The following STPG2 variants were observed in gnomAD, a reference collection of about 807,000 sequenced individuals.
The protein encoded by STPG2 is sperm-tail PG-rich repeat-containing protein 2.
In STPG2, 56 loss-of-function variants were observed where a neutral mutation model predicts 54.2. The observed-to-expected ratio is 1.03, with a 90% CI of 0.83 to 1.29. The LOEUF (loss-of-function observed/expected upper bound fraction) is 1.29. STPG2 is among the 50% of genes most tolerant of loss of function. The probability of loss-of-function intolerance (pLI) is 0.00; values close to 1 mark genes in which losing one functional copy is unlikely to be tolerated. For missense variants in STPG2, 596 were observed against 544.9 expected, an observed-to-expected ratio of 1.09 and a Z score of -0.93; for synonymous variants, 200 against 181.8, an observed-to-expected ratio of 1.10 and a Z score of -0.81.
At chr4:97,871,412 TA>T (rs1305172972) in intron 8 of STPG2, among the ~76,000 whole-genome samples, 7 of 150,272 alleles carry the variant, frequency 4.7e-5, no homozygotes, top group Non-Finnish European at 7.5e-5. Context: ...AATTTTTTTT[TA>T]AAAAGGGGGG....
At chr4:97,955,925 C>CA (rs1733656198) in intron 7 of STPG2, among the ~76,000 whole-genome samples, 2 of 151,826 alleles carry the variant, frequency 1.3e-5, no homozygotes, top group South Asian at 4.2e-4. Context: ...TTCAGACAAA[C>CA]AAAAACTGTA....
chr4:97,598,265 T>G (rs1439959266), intron 10 of STPG2, among the ~76,000 whole-genome samples: 2 of 152,118 alleles, frequency 1.3e-5, no homozygotes, highest in Admixed American at 1.3e-4. Flanking sequence ...AAACAGTCCA[T>G]GCTTACTGAT....
intron 5 of STPG2, among the ~76,000 whole-genome samples, chr4:98,047,918 T>C (rs1737188683): frequency 6.6e-6 from 1 of 152,218 alleles, no homozygotes; most frequent in Non-Finnish European, 1.5e-5. Context: ...GGATACGTGA[T>C]ACATAAATGT....
intron 4 of STPG2, among the ~76,000 whole-genome samples, chr4:97,442,050 CT>C (rs996411916): frequency 1.7e-3 from 260 of 151,406 alleles, no homozygotes; most frequent in Non-Finnish European, 2.8e-3. Flanking sequence ...GCAGAAATAC[CT>C]TTTTTTTCAC....
chr4:97,770,076 T>C (rs1176653532), intron 9 of STPG2, among the ~76,000 whole-genome samples: 1 of 151,934 alleles, frequency 6.6e-6, no homozygotes, highest in Non-Finnish European at 1.5e-5. Context: ...ACGGGCATAG[T>C]TGTAGGTGCC....
At chr4:97,653,933 G>A (rs530142186) in intron 10 of STPG2, among the ~76,000 whole-genome samples, 1 of 152,244 alleles carries the variant, frequency 6.6e-6, no homozygotes, top group African/African-American at 2.4e-5. Flanking sequence ...AGGGAAACTT[G>A]GGGAAATGGT....
chr4:97,519,592 G>T (rs1305386656), intron 4 of STPG2, among the ~76,000 whole-genome samples: 1 of 151,944 alleles, frequency 6.6e-6, no homozygotes, highest in African/African-American at 2.4e-5. Context: ...GAGGAAAGTG[G>T]GATCAAATAC....
chr4:98,096,168 G>A (rs1357705069), intron 5 of STPG2, among the ~76,000 whole-genome samples: 4 of 152,190 alleles, frequency 2.6e-5, no homozygotes, highest in Non-Finnish European at 5.9e-5. Flanking sequence ...GCCAAGGCAG[G>A]AGGATTGCTT....
chr4:97,955,477 AG>A (rs1330251706), intron 7 of STPG2, among the ~76,000 whole-genome samples: 2 of 152,136 alleles, frequency 1.3e-5, no homozygotes, highest in Non-Finnish European at 2.9e-5. Flanking sequence ...GGCCTCCCAA[AG>A]GGCTGGGATT....
chr4:97,495,928 T>C (rs547123378), intron 4 of STPG2, among the ~76,000 whole-genome samples: 2 of 151,752 alleles, frequency 1.3e-5, no homozygotes, highest in South Asian at 4.2e-4. Context: ...TGCTGTTTTT[T>C]CCTTAAATTT....
intron 8 of STPG2, among the ~76,000 whole-genome samples, chr4:97,877,808 G>A (rs1055652812): frequency 2.6e-5 from 4 of 151,968 alleles, no homozygotes; most frequent in South Asian, 2.1e-4. Context: ...CCTTCCCAAC[G>A]GTCCCCAAAA....
At chr4:97,963,117 C>T (rs1733953508) in intron 7 of STPG2, among the ~76,000 whole-genome samples, 1 of 152,038 alleles carries the variant, frequency 6.6e-6, no homozygotes, top group Non-Finnish European at 1.5e-5. Flanking sequence ...AGACATCGCA[C>T]CATTGTACTC....
At chr4:98,086,402 T>A (rs1442306641) in intron 5 of STPG2, among the ~76,000 whole-genome samples, 2 of 152,038 alleles carry the variant, frequency 1.3e-5, no homozygotes, top group African/African-American at 4.8e-5. Context: ...AGAAAAATAT[T>A]TTTTAAAAAT....
intron 10 of STPG2, among the ~76,000 whole-genome samples, chr4:97,598,063 C>G (rs923928032): frequency 6.6e-6 from 1 of 151,270 alleles, no homozygotes; most frequent in Non-Finnish European, 1.5e-5. Context: ...AAATAATGTA[C>G]AAAATCAGTA....
At chr4:97,833,653 T>C (rs1342150384) in intron 9 of STPG2, among the ~76,000 whole-genome samples, 1 of 151,628 alleles carries the variant, frequency 6.6e-6, no homozygotes, top group Non-Finnish European at 1.5e-5. Context: ...CTTAAACAAA[T>C]TTACAATAAA....
chr4:97,736,705 G>C (rs1468277103), intron 9 of STPG2, among the ~76,000 whole-genome samples: 1 of 152,182 alleles, frequency 6.6e-6, no homozygotes, highest in Non-Finnish European at 1.5e-5. Flanking sequence ...AAAGGAGCCG[G>C]GAAGCTCGAA....
rs1389621674 is a variant in STPG2, at chr4:97,907,638, C to A, written c.1044+36259G>T. Among the ~76,000 whole-genome samples the A allele has an allele frequency of 3.9e-5, 6 of 152,256 alleles. No individual in the cohort carries two copies. In the East Asian group the frequency reaches 1.2e-3, roughly 29 times the overall value. Reference sequence around the variant, plus strand: ...AACTATACTACAAGGCTACAGTAACCAAAACAGCATGGTACTGGTACCAAA... The same window carrying A: ...AACTATACTACAAGGCTACAGTAACAAAAACAGCATGGTACTGGTACCAAA... On this transcript the variant is annotated intron_variant, in intron 8 of 10. Coordinates refer to ENST00000295268, the MANE Select transcript of STPG2 (RefSeq NM_174952.3).
At chr4:97,918,834 A>AG (rs1731988578) in intron 8 of STPG2, among the ~76,000 whole-genome samples, 1 of 152,124 alleles carries the variant, frequency 6.6e-6, no homozygotes, top group Admixed American at 6.5e-5. Flanking sequence ...GAGACAGGTG[A>AG]GGGAAAAAAG....
chr4:97,518,867 A>G lies in STPG2; in HGVS notation c.462+193832T>C, dbSNP rs191003255. 2.0e-4 allele frequency among the ~76,000 whole-genome samples: 31 copies of G among 152,128 alleles called. No individual in the cohort carries two copies. The East Asian group carries it at 6.0e-3, about 30-fold the overall frequency. On this transcript the variant is annotated intron_variant, in intron 4 of 4. Transcript: ENST00000522676. Reference sequence around the variant, plus strand: ...TCCCTACCAGCTCAGGCTCAACACCATCCTTTTTTACTTCCAATCTGATGC... The same window carrying G: ...TCCCTACCAGCTCAGGCTCAACACCGTCCTTTTTTACTTCCAATCTGATGC...
Sources: allele counts gnomAD v4.1 joint callset (sites outside exome capture counted in the v4.1 genomes callset), GRCh38; gene constraint gnomAD v4.1.1; transcripts MANE v1.5; gene names NCBI Gene and HGNC (gene_info 2026-07-23, HGNC 2026-07-21).